Variants in MIPOL1 observed in about 807,000 individuals in gnomAD.
MIPOL1 encodes the protein mirror-image polydactyly gene 1 protein.
MIPOL1 carries 57 observed loss-of-function variants against 60.9 expected under a neutral mutation model. The ratio of observed to expected loss-of-function variants is 0.94; its 90% CI spans 0.76 to 1.17. MIPOL1 has a LOEUF of 1.17. Among genes scored for constraint, MIPOL1 ranks in the 50% most tolerant of loss-of-function variants. The pLI is 0.00. For synonymous variants in MIPOL1, 179 were observed against 168.8 expected, an observed-to-expected ratio of 1.06 and a Z score of -0.47; for missense variants, 551 against 511.6, an observed-to-expected ratio of 1.08 and a Z score of -0.74.
intron 9 of MIPOL1, among the ~76,000 whole-genome samples, chr14:37,318,959 C>T (rs12891809): frequency 0.22 from 33,242 of 151,888 alleles, 4,118 homozygotes; most frequent in South Asian, 0.36. Context: ...CCAACCTCAG[C>T]CTCCAGGGAG....
chr14:37,325,747 A>G (rs115287894), intron 9 of MIPOL1, among the ~76,000 whole-genome samples: 2,400 of 152,122 alleles, frequency 0.016, 55 homozygotes, highest in African/African-American at 0.054. Context: ...GGGACACCCT[A>G]GGGGATCTTC....
chr14:37,509,176 C>T (rs1270770919), intron 12 of MIPOL1, among the ~76,000 whole-genome samples: 1 of 152,026 alleles, frequency 6.6e-6, no homozygotes, highest in African/African-American at 2.4e-5. Flanking sequence ...TTAGTACTCA[C>T]CTGTCCCCTG....
At chr14:37,529,065 A>G (rs1436646184) in intron 12 of MIPOL1, among the ~76,000 whole-genome samples, 1 of 152,222 alleles carries the variant, frequency 6.6e-6, no homozygotes, top group Non-Finnish European at 1.5e-5. Context: ...ACAAGTATGA[A>G]TAACTCTTTC....
intron 11 of MIPOL1, among the ~76,000 whole-genome samples, chr14:37,435,514 AT>A (rs544788013): frequency 7.0e-4 from 103 of 146,886 alleles, no homozygotes; most frequent in South Asian, 3.0e-3. Flanking sequence ...GTCCTTTAGG[AT>A]TTTTTTTTTT....
intron 12 of MIPOL1, among the ~76,000 whole-genome samples, chr14:37,518,492 AC>A (rs1188123158): frequency 6.6e-6 from 1 of 151,918 alleles, no homozygotes; most frequent in African/African-American, 2.4e-5. Flanking sequence ...ACATCAACAC[AC>A]CCAGTTCATT....
chr14:37,522,318 A>T (rs1007418345), intron 12 of MIPOL1, among the ~76,000 whole-genome samples: 4 of 152,202 alleles, frequency 2.6e-5, no homozygotes, highest in Non-Finnish European at 4.4e-5. Context: ...GAAATTTAAT[A>T]GTTTGTTATA....
intron 11 of MIPOL1, among the ~76,000 whole-genome samples, chr14:37,457,354 G>C (rs2094488470): frequency 6.6e-6 from 1 of 152,152 alleles, no homozygotes; most frequent in Non-Finnish European, 1.5e-5. Context: ...TAGGTGCTCT[G>C]AATAAATGAG....
rs1286279132 is a variant in MIPOL1 at position 37,318,819 on chromosome 14, A to AG, written c.828+10300_828+10301insG. ...TATTTATTTATTTATTTATTTATTT[A>AG]TTTATTTAGTTAGTTAGTTAGTTAG... On this transcript the variant is annotated intron_variant, in intron 9 of 12. Coordinates refer to ENST00000684589, the MANE Select transcript of MIPOL1 (RefSeq NM_001388067.1). Among the ~76,000 whole-genome samples, 284 of 150,796 alleles carry AG rather than the reference A, an allele frequency of 1.9e-3. 1 individual carries two copies. Among genetic ancestry groups the AG allele is most frequent in the African/African-American group, 5.7e-3 (230 of 40,588 alleles).
At chr14:37,306,842 G>A (rs1283239398) in intron 7 of MIPOL1, among the ~76,000 whole-genome samples, 3 of 151,756 alleles carry the variant, frequency 2.0e-5, no homozygotes, top group African/African-American at 7.2e-5. Flanking sequence ...AAGAAAAAAA[G>A]ATAAGAGATG....
intron 11 of MIPOL1, chr14:37,423,627 C>T (rs60924026): frequency 2.6e-5 from 4 of 151,886 alleles, no homozygotes; most frequent in Admixed American, 2.6e-4. Context: ...CACACCGATG[C>T]ACAATGCCAT....
chr14:37,463,684 G>A lies in MIPOL1; in HGVS notation c.1032-36224G>A, dbSNP rs141999881. 3.7e-3 allele frequency among the ~76,000 whole-genome samples: 568 copies of A among 152,062 alleles called. 4 individuals are homozygous for A. The highest frequency in any genetic ancestry group is 5.4e-3 in the Non-Finnish European group (365 of 67,984). On this transcript the variant is annotated intron_variant, in intron 11 of 12. Transcript: ENST00000684589. ...CAGTAAAACTCAGAAAAACTCTTCCGGACATCAGCCTAAGCAAAGATTTTA... is the reference window on the plus strand; with the variant it reads ...CAGTAAAACTCAGAAAAACTCTTCCAGACATCAGCCTAAGCAAAGATTTTA...
intron 1 of MIPOL1, among the ~76,000 whole-genome samples, chr14:37,203,382 G>T (rs1965610506): frequency 6.6e-6 from 1 of 152,150 alleles, no homozygotes; most frequent in Admixed American, 6.5e-5. Context: ...GACCGTAGGG[G>T]TCATTTAGGC....
chr14:37,449,815 C>CTTAA (rs1047620044), intron 11 of MIPOL1, among the ~76,000 whole-genome samples: 1 of 148,840 alleles, frequency 6.7e-6, no homozygotes, highest in South Asian at 2.1e-4. Flanking sequence ...TATTTATTTA[C>CTTAA]TTAATTTATT....
At chr14:37,295,563 C>G (rs1253678160) in intron 7 of MIPOL1, among the ~76,000 whole-genome samples, 1 of 152,088 alleles carries the variant, frequency 6.6e-6, no homozygotes. Context: ...AAACCCATCT[C>G]ACATGCAGAG....
At chr14:37,444,556 T>G (rs1473626435) in intron 11 of MIPOL1, among the ~76,000 whole-genome samples, 2 of 152,206 alleles carry the variant, frequency 1.3e-5, no homozygotes, top group African/African-American at 4.8e-5. Context: ...TGCAAATGAT[T>G]AGAATTGCCA....
intron 11 of MIPOL1, among the ~76,000 whole-genome samples, chr14:37,472,825 C>T (rs999947955): frequency 6.6e-6 from 1 of 152,278 alleles, no homozygotes; most frequent in East Asian, 1.9e-4. Context: ...TTTCTTCTCA[C>T]TTCCTGCCCA....
chr14:37,355,379 T>C (rs1364385136), intron 9 of MIPOL1, among the ~76,000 whole-genome samples: 1 of 138,022 alleles, frequency 7.2e-6, no homozygotes, highest in Non-Finnish European at 1.6e-5. Flanking sequence ...CTGACAATTA[T>C]GTGTCTTGGA....
At chr14:37,295,858 G>C (rs1280684215) in intron 7 of MIPOL1, among the ~76,000 whole-genome samples, 8 of 152,108 alleles carry the variant, frequency 5.3e-5, no homozygotes, top group African/African-American at 1.9e-4. Flanking sequence ...AATCATGGGA[G>C]ACTTTAACAC....
intron 10 of MIPOL1, among the ~76,000 whole-genome samples, chr14:37,416,529 T>C (rs902651463): frequency 6.6e-6 from 1 of 152,178 alleles, no homozygotes; most frequent in Non-Finnish European, 1.5e-5. Context: ...TTTATGTATC[T>C]AAACATGTCT....
Sources: allele counts gnomAD v4.1 joint callset (sites outside exome capture counted in the v4.1 genomes callset), GRCh38; gene constraint gnomAD v4.1.1; transcripts MANE v1.5; gene names NCBI Gene and HGNC (gene_info 2026-07-23, HGNC 2026-07-21).